The following KCNN3 variants were observed in gnomAD, a reference collection of about 807,000 sequenced individuals.
KCNN3 encodes potassium calcium-activated channel subfamily N member 3.
A neutral mutation model predicts 62.9 loss-of-function variants in KCNN3; 16 were observed. The ratio of observed to expected loss-of-function variants is 0.25; its 90% CI spans 0.17 to 0.39. KCNN3 has a LOEUF of 0.39. KCNN3 is among the 10% of genes least tolerant of loss of function. The pLI is 1.00. For synonymous variants in KCNN3, 370 were observed against 389.2 expected (o/e 0.95, Z 0.58); for missense variants, 599 against 949.4 (o/e 0.63, Z 4.85).
chr1:154,812,527 G>A (rs935826211), intron 2 of KCNN3, among the ~76,000 whole-genome samples: 8 of 151,974 alleles, frequency 5.3e-5, no homozygotes, highest in African/African-American at 1.9e-4. Flanking sequence ...TTGTCCTTGC[G>A]ATAGTTTGCT....
At chr1:154,723,963 T>G (rs1428873537) in intron 5 of KCNN3, among the ~76,000 whole-genome samples, 2 of 152,226 alleles carry the variant, frequency 1.3e-5, no homozygotes, top group African/African-American at 2.4e-5. Context: ...GGCCTTACTG[T>G]GATAACAGCC....
Position 154,698,761 on chromosome 1 carries a change from G to A in KCNN3, c.*9215C>T, listed in dbSNP as rs927400327. On this transcript the variant is annotated 3_prime_UTR_variant, in exon 8 of 8. Transcript: ENST00000271915. Reference sequence around the variant, plus strand: ...CCTTCTAAGACACAGGTTCCCACCTGCTTCAGGGAGAGAGACTTCCCACTA... The same window carrying A: ...CCTTCTAAGACACAGGTTCCCACCTACTTCAGGGAGAGAGACTTCCCACTA... 3.3e-5 allele frequency: 5 copies of A among 152,336 alleles called. No individual in the cohort carries two copies. The highest frequency in any genetic ancestry group is 3.3e-4 in the Admixed American group (5 of 15,308). The allele number at this position is 152,336 out of a possible 1,614,324, so 9.4% of individuals were successfully genotyped here. A position where few individuals can be genotyped will look rare whatever the true frequency, so the allele number is the denominator to read the frequency against.
At chr1:154,811,121 T>C (rs1185035346) in intron 2 of KCNN3, among the ~76,000 whole-genome samples, 1 of 152,142 alleles carries the variant, frequency 6.6e-6, no homozygotes, top group Non-Finnish European at 1.5e-5. Context: ...TTACCACCTG[T>C]GGGATTACCA....
Position 154,827,424 on chromosome 1 carries a change from G to A in KCNN3, c.934-5240C>T, listed in dbSNP as rs181203280. Among the ~76,000 whole-genome samples, 17 of 152,298 alleles carry A rather than the reference G, an allele frequency of 1.1e-4. No individual in the cohort carries two copies. The East Asian group carries it at 3.3e-3, about 29-fold the overall frequency. ...TCATTCCTCAATCTCACACTGTCCA[G>A]TTCTTGGGATCTTTCATTCTTACCC... On this transcript the variant is annotated intron_variant, in intron 1 of 7. Transcript: ENST00000271915.
intron 1 of KCNN3, among the ~76,000 whole-genome samples, chr1:154,839,097 C>T (rs1218575): frequency 0.85 from 129,953 of 152,172 alleles, 55,915 homozygotes; most frequent in East Asian, 0.99. Context: ...CAAGTAACAC[C>T]CCCAGTTGTG....
chr1:154,865,869 C>T (rs1449610308), intron 1 of KCNN3, among the ~76,000 whole-genome samples: 2 of 152,228 alleles, frequency 1.3e-5, no homozygotes, highest in African/African-American at 4.8e-5. Flanking sequence ...TCCCAAGGGC[C>T]TTTGAGTGGG....
intron 2 of KCNN3, among the ~76,000 whole-genome samples, chr1:154,778,970 T>C (rs1213667184): frequency 2.6e-5 from 4 of 152,066 alleles, no homozygotes; most frequent in East Asian, 3.9e-4. Flanking sequence ...CAGTGGAACA[T>C]TAAAAAGTGT....
intron 4 of KCNN3, among the ~76,000 whole-genome samples, chr1:154,729,600 G>A (rs577063945): frequency 6.6e-5 from 10 of 152,316 alleles, no homozygotes; most frequent in Admixed American, 1.3e-4. Flanking sequence ...CTTAACTAAA[G>A]AAGCATAAAA....
intron 2 of KCNN3, among the ~76,000 whole-genome samples, chr1:154,773,126 C>G (rs1257314261): frequency 3.3e-5 from 5 of 152,088 alleles, no homozygotes; most frequent in Admixed American, 3.3e-4. Context: ...CTATTGGGTA[C>G]AGTACCCAAT....
intron 3 of KCNN3, among the ~76,000 whole-genome samples, chr1:154,770,098 C>G (rs1465526902): frequency 6.6e-6 from 1 of 152,124 alleles, no homozygotes; most frequent in Non-Finnish European, 1.5e-5. Context: ...GTCTGCTTAC[C>G]AGAGAAGGCT....
intron 1 of KCNN3, among the ~76,000 whole-genome samples, chr1:154,847,630 C>A (rs1166367005): frequency 1.3e-5 from 2 of 152,284 alleles, no homozygotes; most frequent in South Asian, 2.1e-4. Flanking sequence ...TTTTCCCCAG[C>A]CCCTCAAAGC....
intron 5 of KCNN3, among the ~76,000 whole-genome samples, chr1:154,720,931 C>T (rs563081674): frequency 6.6e-6 from 1 of 152,284 alleles, no homozygotes; most frequent in African/African-American, 2.4e-5. Context: ...CTCAGACCCT[C>T]GTGGGGTCCA....
At chr1:154,837,838 T>A (rs1651655796) in intron 1 of KCNN3, among the ~76,000 whole-genome samples, 1 of 151,822 alleles carries the variant, frequency 6.6e-6, no homozygotes, top group Non-Finnish European at 1.5e-5. Context: ...GGGGGCCAGG[T>A]GGGTGGGGAT....
intron 7 of KCNN3, among the ~76,000 whole-genome samples, chr1:154,711,993 G>A (rs191491110): frequency 6.1e-5 from 9 of 147,486 alleles, no homozygotes; most frequent in Admixed American, 3.4e-4. Flanking sequence ...AGACGGAGAG[G>A]AAGAGAGACA....
intron 5 of KCNN3, among the ~76,000 whole-genome samples, chr1:154,721,374 A>G (rs1357698581): frequency 7.0e-6 from 1 of 143,324 alleles, no homozygotes; most frequent in African/African-American, 2.6e-5. Flanking sequence ...ATCTCAGCTC[A>G]CTGTAACCTC....
At chr1:154,758,791 GTTTTGT>G (rs60541887) in intron 3 of KCNN3, among the ~76,000 whole-genome samples, 31,438 of 148,386 alleles carry the variant, frequency 0.21, 3,382 homozygotes, top group South Asian at 0.28. Flanking sequence ...GGAGAACATC[GTTTTGT>G]TTTTGTTTTT....
At position 154,736,970 on chromosome 1, in the gene KCNN3, A is replaced by G. The variant is rs929137295; in HGVS notation, c.1449-3826T>C. On this transcript the variant is annotated intron_variant, in intron 3 of 7. Transcript: ENST00000271915. ...GGTGGGGGCTACGGAAGATGCTGAG[A>G]TGAATTGGACATGCACCCTGCTCTC... 11 of 697,778 alleles carry G rather than the reference A, an allele frequency of 1.6e-5. No homozygotes were observed. The Admixed American group carries it at 2.2e-4, about 14-fold the overall frequency. 43.2% of individuals were successfully genotyped at this position (697,778 alleles called of 1,614,324 possible).
At chr1:154,816,845 T>C (rs769214107) in intron 2 of KCNN3, among the ~76,000 whole-genome samples, 18 of 152,238 alleles carry the variant, frequency 1.2e-4, no homozygotes, top group Non-Finnish European at 2.4e-4. Flanking sequence ...TAGTTTCTGC[T>C]GCTGCCTACA....
chr1:154,744,963 AC>A (rs1292054890), intron 3 of KCNN3, among the ~76,000 whole-genome samples: 2 of 152,216 alleles, frequency 1.3e-5, no homozygotes, highest in African/African-American at 4.8e-5. Context: ...TTTCTCAAAA[AC>A]AATTTCCCTT....
Sources: gnomAD v4.1 joint callset for allele counts (sites outside exome capture counted in the v4.1 genomes callset) on GRCh38, gnomAD v4.1.1 for gene constraint, MANE v1.5 for transcripts, NCBI Gene and HGNC (gene_info 2026-07-23, HGNC 2026-07-21) for gene names.